Variants in MED27 observed in about 807,000 individuals in gnomAD.
MED27 encodes mediator complex subunit 27.
MED27 carries 30 observed loss-of-function variants against 38.2 expected under a neutral mutation model. The ratio of observed to expected loss-of-function variants is 0.79; its 90% CI spans 0.59 to 1.07. The LOEUF is 1.07. MED27 is among the 50% of genes least tolerant of loss of function. MED27 has a pLI of 0.00. For missense variants in MED27, 289 were observed against 397.5 expected (o/e 0.73, Z 2.32); for synonymous variants, 122 against 153.5 (o/e 0.79, Z 1.52).
intron 3 of MED27, among the ~76,000 whole-genome samples, chr9:131,957,931 A>G (rs1221451550): frequency 1.3e-5 from 2 of 151,484 alleles, no homozygotes; most frequent in East Asian, 3.9e-4. Flanking sequence ...AAAAAGACAC[A>G]TTTAATCTAG....
At chr9:132,031,072 A>G (rs1832949454) in intron 2 of MED27, among the ~76,000 whole-genome samples, 1 of 152,170 alleles carries the variant, frequency 6.6e-6, no homozygotes, top group Non-Finnish European at 1.5e-5. Context: ...AAGTGGGGAC[A>G]CTCGGTGGCC....
intron 4 of MED27, among the ~76,000 whole-genome samples, chr9:131,923,876 C>T (rs556874977): frequency 1.3e-5 from 2 of 152,250 alleles, no homozygotes; most frequent in African/African-American, 4.8e-5. Flanking sequence ...TAAGGATACT[C>T]TTGCATTTTG....
chr9:132,056,061 T>C (rs1221710268), intron 2 of MED27, among the ~76,000 whole-genome samples: 2 of 152,252 alleles, frequency 1.3e-5, no homozygotes, highest in African/African-American at 4.8e-5. Context: ...TTAATCATCA[T>C]GTCATACTGC....
intron 2 of MED27, among the ~76,000 whole-genome samples, chr9:132,025,678 C>A (rs145438536): frequency 6.6e-6 from 1 of 152,320 alleles, no homozygotes; most frequent in Non-Finnish European, 1.5e-5. Context: ...GGGGATAACA[C>A]TGCTACTCAA....
At chr9:132,070,129 G>C (rs1833903919) in intron 2 of MED27, among the ~76,000 whole-genome samples, 1 of 152,208 alleles carries the variant, frequency 6.6e-6, no homozygotes, top group African/African-American at 2.4e-5. Flanking sequence ...TTAGAAAGCT[G>C]GGAAAAGGGG....
chr9:131,979,301 T>A (rs934334896), intron 3 of MED27, among the ~76,000 whole-genome samples: 1 of 152,118 alleles, frequency 6.6e-6, no homozygotes, highest in South Asian at 2.1e-4. Flanking sequence ...GCACAACCAA[T>A]GAATGAAATC....
chr9:132,018,531 T>C (rs917501300), intron 2 of MED27, among the ~76,000 whole-genome samples: 1 of 152,178 alleles, frequency 6.6e-6, no homozygotes, highest in African/African-American at 2.4e-5. Flanking sequence ...TATTCATAGG[T>C]TAATGTTTTG....
chr9:132,016,672 T>C (rs1012351724), intron 2 of MED27, among the ~76,000 whole-genome samples: 6 of 152,192 alleles, frequency 3.9e-5, no homozygotes, highest in African/African-American at 1.4e-4. Flanking sequence ...AGGGGCCTCC[T>C]CCTGGCTCAA....
At chr9:131,949,192 CAAT>C (rs1195743326) in intron 3 of MED27, among the ~76,000 whole-genome samples, 5 of 152,160 alleles carry the variant, frequency 3.3e-5, no homozygotes, top group Non-Finnish European at 5.9e-5. Context: ...TACTCCTCAA[CAAT>C]GACTGTGTTC....
At chr9:131,954,562 AG>A in intron 3 of MED27, among the ~76,000 whole-genome samples, 1 of 152,308 alleles carries the variant, frequency 6.6e-6, no homozygotes, top group East Asian at 1.9e-4. Flanking sequence ...CCTGAAGCTG[AG>A]AAGTCTTGTG....
chr9:131,959,568 C>T (rs1564300376), intron 3 of MED27, among the ~76,000 whole-genome samples: 1 of 152,210 alleles, frequency 6.6e-6, no homozygotes, highest in South Asian at 2.1e-4. Flanking sequence ...CTTCGGTTTC[C>T]TCTTCTTTAG....
At chr9:132,034,438 A>G (rs1833029131) in intron 2 of MED27, among the ~76,000 whole-genome samples, 1 of 152,182 alleles carries the variant, frequency 6.6e-6, no homozygotes, top group African/African-American at 2.4e-5. Context: ...AACCCTAACA[A>G]AGCCTGCCCT....
At position 131,913,226 on chromosome 9, in the gene MED27, A is replaced by G. The variant is rs757241316; in HGVS notation, c.574-19234T>C. Among the ~76,000 whole-genome samples, 2 of 152,152 alleles carry G rather than the reference A, an allele frequency of 1.3e-5. No individual in the cohort carries two copies. Among genetic ancestry groups the G allele is most frequent in the Non-Finnish European group, 2.9e-5 (2 of 68,014 alleles). On this transcript the variant is annotated intron_variant, in intron 4 of 7. Coordinates refer to ENST00000292035, the MANE Select transcript of MED27 (RefSeq NM_004269.4). The surrounding 1 kb of genome is among the most constrained non-coding windows in gnomAD (Gnocchi z 4.5). ...CCTACATGCACTAGGAGCTTTCTGT[A>G]TTTCTTTGAATCTCTGTGACCTTTT...
intron 2 of MED27, among the ~76,000 whole-genome samples, chr9:132,059,581 G>A (rs1214133694): frequency 6.6e-6 from 1 of 152,192 alleles, no homozygotes; most frequent in Non-Finnish European, 1.5e-5. Flanking sequence ...TCTGAGGGGC[G>A]GGCCGAGGGA....
chr9:132,073,975 G>A (rs1833996513), intron 2 of MED27, among the ~76,000 whole-genome samples: 1 of 152,170 alleles, frequency 6.6e-6, no homozygotes, highest in South Asian at 2.1e-4. Context: ...CTGGTGACAG[G>A]ATGCCAGAAA....
intron 2 of MED27, among the ~76,000 whole-genome samples, chr9:132,062,643 G>C (rs1013196301): frequency 6.6e-6 from 1 of 151,384 alleles, no homozygotes; most frequent in Non-Finnish European, 1.5e-5. Flanking sequence ...AAACAGACAG[G>C]GTCTCATTCT....
intron 6 of MED27, among the ~76,000 whole-genome samples, chr9:131,865,075 A>G (rs1001580347): frequency 1.1e-4 from 17 of 152,246 alleles, no homozygotes; most frequent in African/African-American, 4.1e-4. Flanking sequence ...ATAAAGAAGT[A>G]AACTTAAAAA....
At chr9:131,921,477 ACCATC>A (rs72182556) in intron 4 of MED27, among the ~76,000 whole-genome samples, 20,024 of 152,192 alleles carry the variant, frequency 0.13, 1,354 homozygotes, top group South Asian at 0.18. Context: ...ACAATGAGAT[ACCATC>A]TCGCACCAGT....
At chr9:131,953,721 C>T (rs1442034189) in intron 3 of MED27, among the ~76,000 whole-genome samples, 1 of 152,012 alleles carries the variant, frequency 6.6e-6, no homozygotes, top group East Asian at 1.9e-4. Flanking sequence ...TACAGTAAGG[C>T]AGGTAATTAA....
Sources: allele counts gnomAD v4.1 joint callset (sites outside exome capture counted in the v4.1 genomes callset), GRCh38; gene constraint gnomAD v4.1.1; non-coding constraint Gnocchi (gnomAD v3.1); transcripts MANE v1.5; gene names NCBI Gene and HGNC (gene_info 2026-07-23, HGNC 2026-07-21).